Variants in CLVS1 observed in about 807,000 individuals in gnomAD.
CLVS1 encodes the protein clavesin-1.
CLVS1 carries 10 observed loss-of-function variants against 33.1 expected under a neutral mutation model. The ratio of observed to expected loss-of-function variants is 0.30; its 90% confidence interval spans 0.19 to 0.51. The LOEUF (loss-of-function observed/expected upper bound fraction) is 0.51, where lower values mean the gene tolerates loss of function less well. CLVS1 is among the 20% of genes least tolerant of loss of function. The pLI is 0.97. For missense variants in CLVS1, 343 were observed against 433.4 expected, an observed-to-expected ratio of 0.79 and a Z score of 1.85; for synonymous variants, 163 against 166.1, an observed-to-expected ratio of 0.98 and a Z score of 0.14.
chr8:61,339,919 G>A (rs953380165), intron 2 of CLVS1, among the ~76,000 whole-genome samples: 1 of 150,220 alleles, frequency 6.7e-6, no homozygotes. Flanking sequence ...GAAAGAAAGA[G>A]AGTGAAAGAA....
chr8:61,462,875 C>T (rs1817416233), intron 5 of CLVS1, among the ~76,000 whole-genome samples: 2 of 152,250 alleles, frequency 1.3e-5, no homozygotes, highest in Admixed American at 6.5e-5. Context: ...GCTGCATTAG[C>T]GCCTAACAAG....
rs370604869 is a variant in CLVS1, at chr8:61,253,540, T to C, written c.-151-46137T>C. 4.4e-4 allele frequency among the ~76,000 whole-genome samples: 67 copies of C among 152,300 alleles called. 1 individual carries two copies. The highest frequency in any genetic ancestry group is 2.3e-3 in the South Asian group (11 of 4,818). Reference sequence around the variant, plus strand: ...TTTTCCAACTTGGTTCCATTCTCCCTGTCACTTTCAGGTACACCAATCAGA... The same window carrying C: ...TTTTCCAACTTGGTTCCATTCTCCCCGTCACTTTCAGGTACACCAATCAGA... On this transcript the variant is annotated intron_variant, in intron 2 of 2. Transcript: ENST00000522621.
intron 2 of CLVS1, among the ~76,000 whole-genome samples, chr8:61,360,997 T>C (rs2129599987): frequency 6.6e-6 from 1 of 152,212 alleles, no homozygotes; most frequent in South Asian, 2.1e-4. Context: ...CTTACAATCA[T>C]GGTGGAAGGT....
intron 1 of CLVS1, among the ~76,000 whole-genome samples, chr8:61,075,263 C>T (rs1011842101): frequency 3.3e-5 from 5 of 152,082 alleles, no homozygotes; most frequent in African/African-American, 1.2e-4. Flanking sequence ...GGAGATCATT[C>T]TCCCCAGAGG....
the CLVS1 span, among the ~76,000 whole-genome samples, chr8:60,995,647 C>A: frequency 1.1e-3 from 172 of 152,336 alleles, 1 homozygote; most frequent in African/African-American, 3.8e-3. Flanking sequence ...TTTGACCCAG[C>A]CATCCCATTA....
the CLVS1 span, among the ~76,000 whole-genome samples, chr8:61,045,344 G>A: frequency 6.6e-6 from 1 of 152,100 alleles, no homozygotes; most frequent in East Asian, 1.9e-4. Context: ...TTATCCAAGG[G>A]CCCACAGAGT....
At chr8:61,076,955 C>T (rs1010823241) in intron 1 of CLVS1, among the ~76,000 whole-genome samples, 2 of 152,228 alleles carry the variant, frequency 1.3e-5, no homozygotes, top group African/African-American at 4.8e-5. Flanking sequence ...ATCTGCGTTT[C>T]CCTGAGGCGT....
the CLVS1 span, chr8:60,966,377 T>C: frequency 6.6e-6 from 3 of 455,948 alleles, no homozygotes; most frequent in Non-Finnish European, 1.3e-5. Flanking sequence ...CCAGGACTTA[T>C]CTTCTGAGGT....
the CLVS1 span, among the ~76,000 whole-genome samples, chr8:60,986,729 C>T: frequency 4.6e-5 from 7 of 152,192 alleles, no homozygotes; most frequent in African/African-American, 1.4e-4. Flanking sequence ...ATTTTTCATG[C>T]ACTCACTAAA....
intron 2 of CLVS1, among the ~76,000 whole-genome samples, chr8:61,180,206 A>G (rs1434656102): frequency 1.3e-5 from 2 of 152,220 alleles, no homozygotes; most frequent in African/African-American, 4.8e-5. Context: ...AGAATACTAT[A>G]AACACCTCTA....
intron 2 of CLVS1, among the ~76,000 whole-genome samples, chr8:61,365,664 A>AAGATT (rs1813174029): frequency 6.6e-6 from 1 of 152,170 alleles, no homozygotes; most frequent in African/African-American, 2.4e-5. Context: ...TCCTAGCTCC[A>AAGATT]TGCCTAGTGC....
At chr8:61,110,576 C>T (rs750969740) in intron 1 of CLVS1, among the ~76,000 whole-genome samples, 1 of 152,100 alleles carries the variant, frequency 6.6e-6, no homozygotes, top group African/African-American at 2.4e-5. Flanking sequence ...ACCATCTTAA[C>T]CACTTCTGAA....
At chr8:61,089,424 A>G (rs1206261656) in intron 1 of CLVS1, among the ~76,000 whole-genome samples, 2 of 152,218 alleles carry the variant, frequency 1.3e-5, no homozygotes, top group Non-Finnish European at 2.9e-5. Context: ...TCTTCCTGCC[A>G]GAGCAGACCT....
chr8:61,331,838 C>T (rs1026093508), intron 2 of CLVS1, among the ~76,000 whole-genome samples: 3 of 150,210 alleles, frequency 2.0e-5, no homozygotes, highest in Non-Finnish European at 4.4e-5. Context: ...CCTCCTCCTC[C>T]TCCTCCTCCT....
At chr8:61,434,356 CAGTG>C (rs1816233310) in intron 3 of CLVS1, among the ~76,000 whole-genome samples, 1 of 152,178 alleles carries the variant, frequency 6.6e-6, no homozygotes, top group African/African-American at 2.4e-5. Context: ...TGAGAATAAA[CAGTG>C]AGCGCCAACT....
intron 3 of CLVS1, chr8:61,376,995 G>A (rs1055134617): frequency 5.4e-5 from 26 of 478,284 alleles, no homozygotes; most frequent in South Asian, 4.0e-5. Context: ...TGTTACCCCA[G>A]GCACAAATTA....
intron 2 of CLVS1, among the ~76,000 whole-genome samples, chr8:61,172,937 A>G (rs1373287294): frequency 6.6e-6 from 1 of 152,166 alleles, no homozygotes; most frequent in Non-Finnish European, 1.5e-5. Flanking sequence ...ATCACTTCTC[A>G]TATTCCACTG....
intron 2 of CLVS1, among the ~76,000 whole-genome samples, chr8:61,275,251 A>G (rs1184466486): frequency 6.6e-6 from 1 of 152,126 alleles, no homozygotes; most frequent in African/African-American, 2.4e-5. Flanking sequence ...CACATGCCCC[A>G]CCATTACTGC....
chr8:61,103,914 A>G (rs1805491685), intron 1 of CLVS1, among the ~76,000 whole-genome samples: 1 of 152,224 alleles, frequency 6.6e-6, no homozygotes, highest in African/African-American at 2.4e-5. Context: ...ATTCTAATGT[A>G]TCATCCCTCA....
Sources: gnomAD v4.1 joint callset for allele counts (sites outside exome capture counted in the v4.1 genomes callset) on GRCh38, gnomAD v4.1.1 for gene constraint, MANE v1.5 for transcripts, NCBI Gene and HGNC (gene_info 2026-07-23, HGNC 2026-07-21) for gene names.